Variants in CARMIL2 observed in about 807,000 individuals in gnomAD.
CARMIL2 encodes the protein capping protein, Arp2/3 and myosin-I linker protein 2.
Under a neutral mutation model 173.3 loss-of-function variants are expected in CARMIL2, and 96 were observed. That is an observed-to-expected ratio of 0.55 (90% CI 0.47 to 0.66). The LOEUF (loss-of-function observed/expected upper bound fraction) is 0.66. Ranked by LOEUF, CARMIL2 falls within the 30% of genes least tolerant of loss-of-function variation. The pLI is 0.00. For missense variants in CARMIL2, 1,771 were observed against 1,906.7 expected (o/e 0.93, Z 1.33); for synonymous variants, 830 against 817.1 (o/e 1.02, Z -0.27).
Position 67,648,406 on chromosome 16 carries a change from G to A in CARMIL2, c.1343G>A (p.Arg448His). ...SRNVFSRTKS[R>H]AAPAALQLFL... ...CTTCCCACTTCCCCCAGGAAGTCCC[G>A]CGCCGCGCCGGCCGCGCTGCAGCTC... The change falls in exon 15 of 38, where the codon CGC becomes CAC. Residue 448 changes from arginine (R) to histidine (H), a missense_variant. Physicochemically the swap from Arg to His is conservative, Grantham distance 29 (BLOSUM62 0). Around this residue, in one of 3 missense-constraint regions of CARMIL2, gnomAD observed 944 missense variants for 975.6 expected, o/e 0.97. Transcript: ENST00000334583. The surrounding 1 kb of genome is among the most constrained non-coding windows in gnomAD (Gnocchi z 6.1). 6.6e-7 allele frequency: 1 copy of A among 1,526,430 alleles called. No homozygotes were observed. The allele number at this position is 1,526,430 out of a possible 1,614,324, so 94.6% of individuals were successfully genotyped here. A position where few individuals can be genotyped will look rare whatever the true frequency, so the allele number is the denominator to read the frequency against.
intron 3 of CARMIL2, 93 bp downstream of exon 3, chr16:67,645,870 C>T (rs924199611): frequency 3.8e-6 from 6 of 1,566,302 alleles, no homozygotes; most frequent in South Asian, 3.3e-5. Context: ...GCCTTGTGGG[C>T]CCTGACTTTG....
rs373062540 is a variant in CARMIL2, at chr16:67,652,554, G to A, written c.2884+16G>A. On this transcript the variant is annotated intron_variant, in intron 28 of 37. Transcript: ENST00000334583. This position sits in a 1 kb window ranked among gnomAD's most constrained non-coding sequence, Gnocchi z 4.7. ...TTCATTCACAGTAAGTCAGGGCCTT[G>A]GGGGAGGGAGTTTACGTGGGTGGGC... 5.0e-6 allele frequency: 8 copies of A among 1,612,280 alleles called. No individual in the cohort carries two copies. The African/African-American group carries it at 6.7e-5, about 13-fold the overall frequency.
Position 67,646,271 on chromosome 16 carries a change from C to G in CARMIL2, c.335C>G (p.Ala112Gly). The change falls in exon 5 of 38, where the codon GCT becomes GGT. Residue 112 changes from alanine to glycine, a missense_variant. By Grantham distance (60) the Ala-to-Gly change is moderately conservative. Around this residue, in one of 3 missense-constraint regions of CARMIL2, gnomAD observed 944 missense variants for 975.6 expected, o/e 0.97. Transcript: ENST00000334583. This position sits in a 1 kb window ranked among gnomAD's most constrained non-coding sequence, Gnocchi z 4.6. ...AALEQLAQHV[A>G]AAIKKVFPRS... is the part of the protein sequence containing the mutation. Reference sequence around the variant, plus strand: ...CTGGAACAGCTGGCCCAGCACGTGGCTGCAGCCATCAAGAAGGTCTTCCCT... The same window carrying G: ...CTGGAACAGCTGGCCCAGCACGTGGGTGCAGCCATCAAGAAGGTCTTCCCT... 6.8e-6 allele frequency: 11 copies of G among 1,613,720 alleles called. No individual in the cohort carries two copies. Among genetic ancestry groups the G allele is most frequent in the Non-Finnish European group, 9.3e-6 (11 of 1,179,844 alleles).
Position 67,654,689 on chromosome 16 carries a change from C to T in CARMIL2, c.3579C>T (p.Asp1193=). 3.8e-6 allele frequency: 6 copies of T among 1,593,234 alleles called. No individual in the cohort carries two copies. The highest frequency in any genetic ancestry group is 5.1e-6 in the Non-Finnish European group (6 of 1,168,688). ...EEEATLGARP[D]KRRPLERGET... ...AGGCAACGCTGGGTGCCAGACCCGA[C>T]AAGGTGAGGCTTGCTGATGGGGGGT... Residue 1193 remains aspartate, a synonymous_variant, in exon 31 of 38, where the codon GAC becomes GAT. Coordinates refer to ENST00000334583, the MANE Select transcript of CARMIL2 (RefSeq NM_001013838.3).
chr16:67,655,247 C>A (rs1220891833), intron 32 of CARMIL2, among the ~76,000 whole-genome samples: 2 of 152,186 alleles, frequency 1.3e-5, no homozygotes, highest in African/African-American at 2.4e-5. Context: ...ACCTGGCCAA[C>A]ATGGTGAAAC....
intron 8 of CARMIL2, 52 bp from the exon 9 acceptor site, chr16:67,647,064 G>A: frequency 6.2e-7 from 1 of 1,610,150 alleles, no homozygotes; most frequent in Non-Finnish European, 8.5e-7. Context: ...GCTGGGCCTG[G>A]GACCTGGCTG....
chr16:67,647,567 A>T lies in CARMIL2; in HGVS notation c.836A>T (p.Glu279Val), dbSNP rs779957121. ...LAGHSSSGLR[E>V]LSLAGNLLDD... ...GGACACTCAAGCTCTGGGCTGCGGG[A>T]GCTCAGCCTCGCGGGGAACCTGCTG... Residue 279 changes from glutamate (E) to valine (V), a missense_variant, in exon 11 of 38, where the codon GAG (glutamate) becomes GTG (valine). Physicochemically the swap from Glu to Val is moderately radical, Grantham distance 121. Transcript: ENST00000334583. The T allele has an allele frequency of 2.5e-6, 4 of 1,611,144 alleles. 1 individual carries two copies. In the South Asian group the frequency reaches 4.4e-5, roughly 18 times the overall value.
rs2052712476 is a variant in CARMIL2 at position 67,651,049 on chromosome 16, C to G, written c.2185-138C>G. The G allele has an allele frequency of 4.3e-6, 4 of 930,258 alleles. No individual in the cohort carries two copies. The highest frequency in any genetic ancestry group is 6.4e-6 in the Non-Finnish European group (4 of 628,924). The allele number at this position is 930,258 out of a possible 1,614,324, so 57.6% of individuals were successfully genotyped here. ...ACAGATAGTTCCTTCCCTCCTTGAA[C>G]AGATAGGGTTCCAAAGTGGCTGGTC... is the stretch of plus-strand genomic sequence containing the variant. On this transcript the variant is annotated intron_variant, in intron 22 of 37. Transcript: ENST00000334583. The surrounding 1 kb of genome is among the most constrained non-coding windows in gnomAD (Gnocchi z 4.2).
Position 67,647,555 on chromosome 16 carries a change from C to T in CARMIL2, c.824C>T (p.Ser275Phe). 1.2e-6 allele frequency: 2 copies of T among 1,611,108 alleles called. No homozygotes were observed. The highest frequency in any genetic ancestry group is 1.3e-5 in the African/African-American group (1 of 74,950). ...CAGGCGCTGGCGGGACACTCAAGCT[C>T]TGGGCTGCGGGAGCTCAGCCTCGCG... is the stretch of plus-strand genomic sequence containing the variant. ...LAQALAGHSS[S>F]GLRELSLAGN... The change falls in exon 11 of 38, where the codon TCT becomes TTT. Residue 275 changes from serine to phenylalanine, a missense_variant. This residue lies in a region of CARMIL2 where 944 missense variants were observed against 975.6 expected (regional missense o/e 0.97). Coordinates refer to ENST00000334583, the MANE Select transcript of CARMIL2 (RefSeq NM_001013838.3).
At chr16:67,656,150 G>A (rs766180398) in intron 33 of CARMIL2, 78 bp from the exon 34 acceptor site, 1 of 1,610,396 alleles carries the variant, frequency 6.2e-7, no homozygotes. Flanking sequence ...CTCTCCTTGG[G>A]GAGGAAGGGG....
rs1040858517 is a variant in CARMIL2 at position 67,648,364 on chromosome 16, T to TG, written c.1335-33dup. 8 of 1,544,242 alleles carry TG rather than the reference T, an allele frequency of 5.2e-6. No individual in the cohort carries two copies. In the African/African-American group the frequency reaches 9.5e-5, roughly 18 times the overall value. The stretch of plus-strand genomic sequence containing the variant: ...GGGAGGCTGCTGGAAGCCGCCTCCT[T>TG]GCGGCCCCAGGCCCACCTTCCCACT... On this transcript the variant is annotated intron_variant, in intron 14 of 37. Transcript: ENST00000334583. This position sits in a 1 kb window ranked among gnomAD's most constrained non-coding sequence, Gnocchi z 6.1.
rs910858811 is a variant in CARMIL2 at position 67,648,853 on chromosome 16, A to G, written c.1510-40A>G. 2 of 1,582,586 alleles carry G rather than the reference A, an allele frequency of 1.3e-6. No homozygotes were observed. Among genetic ancestry groups the G allele is most frequent in the Non-Finnish European group, 1.7e-6 (2 of 1,164,904 alleles). On this transcript the variant is annotated intron_variant, in intron 16 of 37. Transcript: ENST00000334583. The surrounding 1 kb of genome is among the most constrained non-coding windows in gnomAD (Gnocchi z 6.1). The stretch of plus-strand genomic sequence containing the variant: ...GCCTGCCCCTCCCCACTCGCGGCCT[A>G]AGTGGGTCCCACTTCCCACCTCCCA...
At position 67,645,719 on chromosome 16, in the gene CARMIL2, C is replaced by T. The variant is rs752657113; in HGVS notation, c.133-5C>T. On this transcript the variant is annotated splice_polypyrimidine_tract_variant and splice_region_variant and intron_variant, in intron 2 of 37. Transcript: ENST00000334583. ...TGCCCAGGATATCAGACTGTCTTTC[C>T]CCAGGCACTGCTACGATGGAGAGCC... 6.2e-7 allele frequency: 1 copy of T among 1,613,478 alleles called. No homozygotes were observed. The highest frequency in any genetic ancestry group is 8.5e-7 in the Non-Finnish European group (1 of 1,179,890).
In CARMIL2 at chr16:67,654,172, A is replaced by G. The variant is rs1300766102; in HGVS notation, c.3144A>G (p.Glu1048=). 2 of 1,555,592 alleles carry G rather than the reference A, an allele frequency of 1.3e-6. No individual in the cohort carries two copies. The highest frequency in any genetic ancestry group is 1.4e-5 in the African/African-American group (1 of 72,696). ...GPQVPPALPQ[E]GNGLSARVDE... The stretch of plus-strand genomic sequence containing the variant: ...AGGTACCCCCAGCCTTGCCGCAGGA[A>G]GGGAATGGGCTCAGTGCCCGCGTGG... Residue 1048 remains glutamate (E), a synonymous_variant, in exon 30 of 38, where the codon GAA becomes GAG. Coordinates refer to ENST00000334583, the MANE Select transcript of CARMIL2 (RefSeq NM_001013838.3).
Position 67,645,614 on chromosome 16 carries a change from G to T in CARMIL2, c.115G>T (p.Val39Leu). The T allele has an allele frequency of 6.2e-7, 1 of 1,613,624 alleles. No homozygotes were observed. Among genetic ancestry groups the T allele is most frequent in the Non-Finnish European group, 8.5e-7 (1 of 1,179,848 alleles). The change falls in exon 2 of 38, where the codon GTG becomes TTG. Residue 39 changes from valine to leucine, a missense_variant. Val to Leu is a conservative substitution (Grantham distance 32, BLOSUM62 1). Coordinates refer to ENST00000334583, the MANE Select transcript of CARMIL2 (RefSeq NM_001013838.3). ...LKTWLPGEGAVQNHVLALLRW... is the reference protein window; with the variant it reads ...LKTWLPGEGALQNHVLALLRW... The stretch of plus-strand genomic sequence containing the variant: ...AACCTGGCTACCCGGGGAGGGTGCT[G>T]TGCAAAACCATGTCCTGGTATGGGG...
In CARMIL2 at chr16:67,646,653, C is replaced by A; in HGVS notation, c.467-61C>A. ...CCACCTAGTCTGTGGGTCTGGTCTTCCTCCATCGCTGATGTTTTGTCTCTC... is the reference window on the plus strand; with the variant it reads ...CCACCTAGTCTGTGGGTCTGGTCTTACTCCATCGCTGATGTTTTGTCTCTC... On this transcript the variant is annotated intron_variant, in intron 6 of 37. Coordinates refer to ENST00000334583, the MANE Select transcript of CARMIL2 (RefSeq NM_001013838.3). This position sits in a 1 kb window ranked among gnomAD's most constrained non-coding sequence, Gnocchi z 4.6. The A allele has an allele frequency of 1.3e-6, 2 of 1,592,018 alleles. No homozygotes were observed. The highest frequency in any genetic ancestry group is 1.7e-6 in the Non-Finnish European group (2 of 1,160,206).
In CARMIL2 at chr16:67,652,593, G is replaced by T. The variant is rs1176132535; in HGVS notation, c.2884+55G>T. On this transcript the variant is annotated intron_variant, in intron 28 of 37. Coordinates refer to ENST00000334583, the MANE Select transcript of CARMIL2 (RefSeq NM_001013838.3). The surrounding 1 kb of genome is among the most constrained non-coding windows in gnomAD (Gnocchi z 4.7). ...ACGTGGGTGGGCTGAAGCTCCATTA[G>T]ACTTGGGGACCCGGGGACCTGGATG... 2.3e-5 allele frequency: 35 copies of T among 1,542,170 alleles called. No homozygotes were observed. Among genetic ancestry groups the T allele is most frequent in the Non-Finnish European group, 3.0e-5 (34 of 1,120,320 alleles).
chr16:67,648,424 T>C lies in CARMIL2; in HGVS notation c.1361T>C (p.Leu454Pro), dbSNP rs1259316296. Residue 454 changes from leucine to proline, a missense_variant, in exon 15 of 38, where the codon CTG (leucine) becomes CCG (proline). Physicochemically the swap from Leu to Pro is moderately conservative, Grantham distance 98 (BLOSUM62 -3). Transcript: ENST00000334583. This position sits in a 1 kb window ranked among gnomAD's most constrained non-coding sequence, Gnocchi z 6.1. ...RTKSRAAPAA[L>P]QLFLSRARTL... ...AAGTCCCGCGCCGCGCCGGCCGCGC[T>C]GCAGCTCTTCCTCAGCCGCGCGCGG... 6.6e-7 allele frequency: 1 copy of C among 1,516,946 alleles called. No individual in the cohort carries two copies. Among genetic ancestry groups the C allele is most frequent in the South Asian group, 1.2e-5 (1 of 82,258 alleles). 94.0% of individuals were successfully genotyped at this position (1,516,946 alleles called of 1,614,324 possible). A position where few individuals can be genotyped will look rare whatever the true frequency, so the allele number is the denominator to read the frequency against.
rs373520864 is a variant in CARMIL2 at position 67,647,705 on chromosome 16, C to G, written c.897C>G (p.Leu299=). 2.1e-5 allele frequency: 34 copies of G among 1,598,088 alleles called. No individual in the cohort carries two copies. The Middle Eastern group carries it at 5.0e-4, about 24-fold the overall frequency. ...GCATGACTGCACTCAGCAGACACCT[C>G]GAGCGTTGTCCAGGAGCCCTGAGGA... is the stretch of plus-strand genomic sequence containing the variant. ...DRGMTALSRH[L]ERCPGALRRL... is the part of the protein sequence containing the mutation. Residue 299 remains leucine (L), a synonymous_variant, in exon 12 of 38, where the codon CTC becomes CTG. Coordinates refer to ENST00000334583, the MANE Select transcript of CARMIL2 (RefSeq NM_001013838.3).
Sources: gnomAD v4.1 joint callset for allele counts (sites outside exome capture counted in the v4.1 genomes callset) on GRCh38, gnomAD v4.1.1 for gene constraint, gnomAD v4.1.1 regional missense constraint, Gnocchi (gnomAD v3.1) non-coding constraint, MANE v1.5 for transcripts, NCBI Gene and HGNC (gene_info 2026-07-23, HGNC 2026-07-21) for gene names.